Variants in DOCK3 observed in about 807,000 individuals in gnomAD.
DOCK3 encodes dedicator of cytokinesis 3.
A neutral mutation model predicts 265.6 loss-of-function variants in DOCK3; 60 were observed. The ratio of observed to expected loss-of-function variants is 0.23; its 90% confidence interval spans 0.18 to 0.28. DOCK3 has a LOEUF of 0.28. Among genes scored for constraint, DOCK3 ranks in the 10% least tolerant of loss-of-function variants. DOCK3 has a pLI of 1.00. For missense variants in DOCK3, 1,981 were observed against 2,594.3 expected, an observed-to-expected ratio of 0.76 and a Z score of 5.14; for synonymous variants, 881 against 938.0, an observed-to-expected ratio of 0.94 and a Z score of 1.11.
chr3:51,052,794 A>C (rs778524945), intron 5 of DOCK3, among the ~76,000 whole-genome samples: 3 of 151,990 alleles, frequency 2.0e-5, no homozygotes, highest in Non-Finnish European at 4.4e-5. Context: ...TAATCAAGAG[A>C]CAGAGCTTTC....
intron 5 of DOCK3, among the ~76,000 whole-genome samples, chr3:50,970,392 A>G (rs887384343): frequency 2.0e-5 from 3 of 152,166 alleles, no homozygotes; most frequent in African/African-American, 7.2e-5. Flanking sequence ...GTATACCAAA[A>G]CTTTTTCTTT....
Position 51,148,671 on chromosome 3 carries a change from C to T in DOCK3, c.828+2041C>T, listed in dbSNP as rs192182137. Among the ~76,000 whole-genome samples, 506 of 152,302 alleles carry T rather than the reference C, an allele frequency of 3.3e-3. 1 individual carries two copies. Among genetic ancestry groups the T allele is most frequent in the Non-Finnish European group, 5.3e-3 (359 of 68,030 alleles). On this transcript the variant is annotated intron_variant, in intron 10 of 52. Transcript: ENST00000266037. ...TGGTTCTAGATGTGTGGTGTTATTT[C>T]TGAGACCTCTGTTCTGTTCCATTGG...
At chr3:50,970,299 G>A (rs2077160941) in intron 5 of DOCK3, among the ~76,000 whole-genome samples, 1 of 152,062 alleles carries the variant, frequency 6.6e-6, no homozygotes. Context: ...ATATCTTTAT[G>A]GAGTTCTCTG....
intron 8 of DOCK3, among the ~76,000 whole-genome samples, chr3:51,089,496 T>TA (rs1216280157): frequency 6.6e-6 from 1 of 152,184 alleles, no homozygotes; most frequent in African/African-American, 2.4e-5. Context: ...AGACTGAAAC[T>TA]AAAATGAATC....
intron 5 of DOCK3, among the ~76,000 whole-genome samples, chr3:50,943,545 A>G (rs889253939): frequency 6.6e-6 from 1 of 152,120 alleles, no homozygotes; most frequent in African/African-American, 2.4e-5. Flanking sequence ...AGATTACTTA[A>G]GGGGCTAAGG....
intron 35 of DOCK3, among the ~76,000 whole-genome samples, chr3:51,333,777 A>C (rs2110002966): frequency 6.6e-6 from 1 of 152,288 alleles, no homozygotes; most frequent in South Asian, 2.1e-4. Context: ...CGTGGCCAGA[A>C]TAGATTAGAG....
At chr3:51,090,155 T>C (rs1453739374) in intron 8 of DOCK3, 75 bp from the exon 9 acceptor site, 7 of 1,413,934 alleles carry the variant, frequency 5.0e-6, no homozygotes, top group African/African-American at 1.5e-5. Context: ...GTTTGTAATT[T>C]AGTTTCCACT....
intron 5 of DOCK3, among the ~76,000 whole-genome samples, chr3:51,032,361 T>C (rs1270375980): frequency 4.6e-5 from 7 of 152,228 alleles, no homozygotes; most frequent in Non-Finnish European, 1.0e-4. Flanking sequence ...ATTGATACAC[T>C]ACTAAACTTT....
At chr3:51,312,217 C>A in intron 29 of DOCK3, 138 bp downstream of exon 29, 1 of 822,738 alleles carries the variant, frequency 1.2e-6, no homozygotes, top group Non-Finnish European at 1.9e-6. Flanking sequence ...AGAATATGAC[C>A]TGGGATACCC....
chr3:51,356,168 G>A lies in DOCK3; in HGVS notation c.4329G>A (p.Lys1443=), dbSNP rs2086347302. ...TGGATAGGGTACCAGATCGAGTCAA[G>A]AGCTTCTATCGCGTCAACAATGTGA... ...LQMDRVPDRV[K]SFYRVNNVRK... Residue 1443 remains lysine, a synonymous_variant, in exon 42 of 53, where the codon AAG becomes AAA. Coordinates refer to ENST00000266037, the MANE Select transcript of DOCK3 (RefSeq NM_004947.5). 6.2e-7 allele frequency: 1 copy of A among 1,614,020 alleles called. No individual in the cohort carries two copies. The highest frequency in any genetic ancestry group is 1.3e-5 in the African/African-American group (1 of 75,050).
intron 2 of DOCK3, among the ~76,000 whole-genome samples, chr3:50,833,370 A>G (rs185697643): frequency 6.6e-6 from 1 of 152,336 alleles, no homozygotes; most frequent in East Asian, 1.9e-4. Flanking sequence ...GTTTGCAAAA[A>G]TAAACCTTAC....
chr3:51,240,832 G>A (rs6783235), intron 21 of DOCK3, among the ~76,000 whole-genome samples: 124,973 of 152,182 alleles, frequency 0.82, 51,917 homozygotes, highest in Middle Eastern at 0.9. Context: ...CACTGCATGT[G>A]AGATGGGTCT....
intron 5 of DOCK3, among the ~76,000 whole-genome samples, chr3:50,939,937 G>A (rs2076238695): frequency 6.6e-6 from 1 of 152,076 alleles, no homozygotes; most frequent in African/African-American, 2.4e-5. Flanking sequence ...AGATTATATG[G>A]TTGGCTGCAT....
At chr3:50,949,283 A>G (rs915820101) in intron 5 of DOCK3, among the ~76,000 whole-genome samples, 1 of 152,224 alleles carries the variant, frequency 6.6e-6, no homozygotes, top group African/African-American at 2.4e-5. Context: ...CATCAAGAGA[A>G]AAGAACTCTT....
At chr3:50,855,068 C>T (rs1161464581) in intron 3 of DOCK3, among the ~76,000 whole-genome samples, 3 of 151,944 alleles carry the variant, frequency 2.0e-5, no homozygotes, top group Non-Finnish European at 4.4e-5. Context: ...ATGTGATGCT[C>T]CTGGGTTTGT....
At chr3:50,728,434 T>C (rs1390687729) in intron 1 of DOCK3, among the ~76,000 whole-genome samples, 1 of 151,950 alleles carries the variant, frequency 6.6e-6, no homozygotes, top group Non-Finnish European at 1.5e-5. Flanking sequence ...CCAAATAATG[T>C]TAGAAGGAAA....
intron 9 of DOCK3, among the ~76,000 whole-genome samples, chr3:51,124,989 A>G (rs1004750913): frequency 9.0e-6 from 1 of 111,550 alleles, no homozygotes; most frequent in Non-Finnish European, 1.9e-5. Context: ...AAAAAAAAAA[A>G]TTAGCCAGAT....
chr3:50,962,505 A>G (rs2076916124), intron 5 of DOCK3, among the ~76,000 whole-genome samples: 2 of 152,346 alleles, frequency 1.3e-5, no homozygotes, highest in African/African-American at 2.4e-5. Flanking sequence ...GAACACAGTT[A>G]TATTCCTAGG....
chr3:51,285,368 G>C (rs868213426), intron 27 of DOCK3, among the ~76,000 whole-genome samples: 31 of 152,040 alleles, frequency 2.0e-4, no homozygotes, highest in Middle Eastern at 3.2e-3. Flanking sequence ...GTGTAGGTAT[G>C]TGATCATCCA....
Sources: allele counts gnomAD v4.1 joint callset (sites outside exome capture counted in the v4.1 genomes callset), GRCh38; gene constraint gnomAD v4.1.1; transcripts MANE v1.5; gene names NCBI Gene and HGNC (gene_info 2026-07-23, HGNC 2026-07-21).